KGD4: variants seen among roughly 807,000 people sequenced by gnomAD.
KGD4 encodes alpha-ketoglutarate dehydrogenase subunit 4, also known as alpha-ketoglutarate dehydrogenase component 4.
chr5:69,224,456 C>T, the KGD4 span, among the ~76,000 whole-genome samples: 11 of 151,596 alleles, frequency 7.3e-5, no homozygotes. Context: ...CTTCTTTGTG[C>T]TCTTCTGTGT....
chr5:69,224,420 C>T, the KGD4 span, among the ~76,000 whole-genome samples: 1 of 151,652 alleles, frequency 6.6e-6, no homozygotes, highest in East Asian at 1.9e-4. Context: ...ATTTGTTTTA[C>T]GTGGGTCTTG....
At chr5:69,221,053 C>T in the KGD4 span, among the ~76,000 whole-genome samples, 2 of 152,058 alleles carry the variant, frequency 1.3e-5, no homozygotes, top group African/African-American at 2.4e-5. Context: ...TGCGGAAGGC[C>T]GCAGGGACCT....
the KGD4 span, among the ~76,000 whole-genome samples, chr5:69,218,468 TAA>T: frequency 5.9e-5 from 4 of 67,936 alleles, no homozygotes; most frequent in South Asian, 5.9e-4. Context: ...GTGTGTATAT[TAA>T]TGTGTGTGTG....
chr5:69,221,390 C>T, the KGD4 span, among the ~76,000 whole-genome samples: 1 of 152,132 alleles, frequency 6.6e-6, no homozygotes, highest in South Asian at 2.1e-4. Flanking sequence ...TAAAGTAAAA[C>T]ATTTTCAGAC....
At chr5:69,220,894 C>T in the KGD4 span, among the ~76,000 whole-genome samples, 23,193 of 152,068 alleles carry the variant, frequency 0.15, 1,912 homozygotes, top group African/African-American at 0.21. Context: ...CCCCCAACCC[C>T]GTGCTCTCTG....
chr5:69,229,155 T>A, the KGD4 span: 5 of 1,519,792 alleles, frequency 3.3e-6, no homozygotes, highest in Non-Finnish European at 4.6e-6. Context: ...CATCAAAACA[T>A]TTCCTGAGTC....
chr5:69,228,175 A>T, the KGD4 span: 3 of 1,412,880 alleles, frequency 2.1e-6, no homozygotes, highest in Non-Finnish European at 2.8e-6. Context: ...TTCTCTAATA[A>T]GGTCTTTTTT....
chr5:69,225,002 AG>A, the KGD4 span, among the ~76,000 whole-genome samples: 24 of 147,432 alleles, frequency 1.6e-4, no homozygotes, highest in East Asian at 1.7e-3. Flanking sequence ...TGAACACAGG[AG>A]GTGGAGGTTC....
chr5:69,228,306 A>G, the KGD4 span: 16,163 of 1,607,476 alleles, frequency 0.01, 857 homozygotes, highest in East Asian at 0.17. Flanking sequence ...AGGGTCCACC[A>G]GACACTGCAG....
chr5:69,226,319 C>T, the KGD4 span: 1 of 1,540,862 alleles, frequency 6.5e-7, no homozygotes, highest in Non-Finnish European at 8.9e-7. Flanking sequence ...GTTTTTCATG[C>T]ATATTACTTT....
At chr5:69,221,154 C>A in the KGD4 span, among the ~76,000 whole-genome samples, 1 of 151,254 alleles carries the variant, frequency 6.6e-6, no homozygotes, top group Non-Finnish European at 1.5e-5. Context: ...ACATCCCCCT[C>A]TCCGAGAAAC....
chr5:69,221,471 TA>T, the KGD4 span, among the ~76,000 whole-genome samples: 1 of 151,994 alleles, frequency 6.6e-6, no homozygotes, highest in Middle Eastern at 3.2e-3. Flanking sequence ...TTTGGAAAGG[TA>T]AAAATAAAGA....
At chr5:69,225,975 C>G in the KGD4 span, among the ~76,000 whole-genome samples, 11 of 152,186 alleles carry the variant, frequency 7.2e-5, no homozygotes, top group Non-Finnish European at 1.5e-5. Context: ...ACGCAATCTG[C>G]CTGTCTGGGC....
the KGD4 span, among the ~76,000 whole-genome samples, chr5:69,218,986 A>T: frequency 6.6e-6 from 1 of 152,240 alleles, no homozygotes; most frequent in African/African-American, 2.4e-5. Flanking sequence ...ATAACAATTT[A>T]AAAATGGGTA....
the KGD4 span, among the ~76,000 whole-genome samples, chr5:69,224,588 A>G: frequency 0.45 from 67,906 of 151,726 alleles, 15,329 homozygotes; most frequent in South Asian, 0.56. Context: ...TAGTAGGGAA[A>G]TAACACTCAA....
chr5:69,218,960 T>C, the KGD4 span, among the ~76,000 whole-genome samples: 714 of 152,300 alleles, frequency 4.7e-3, 33 homozygotes, highest in Admixed American at 0.041. Context: ...TATATAACCA[T>C]ATGTATCAAT....
the KGD4 span, chr5:69,226,316 A>G: frequency 2.6e-5 from 39 of 1,526,406 alleles, no homozygotes; most frequent in Non-Finnish European, 3.0e-5. Flanking sequence ...ATTGTTTTTC[A>G]TGCATATTAC....
At chr5:69,226,746 G>T in the KGD4 span, among the ~76,000 whole-genome samples, 1 of 152,056 alleles carries the variant, frequency 6.6e-6, no homozygotes, top group African/African-American at 2.4e-5. Context: ...CTACTCGGGA[G>T]GCTGAGGCAT....
the KGD4 span, among the ~76,000 whole-genome samples, chr5:69,225,473 G>T: frequency 1.3e-5 from 2 of 151,504 alleles, no homozygotes; most frequent in Non-Finnish European, 2.9e-5. Flanking sequence ...CACCCTGTTG[G>T]TCAGGCTGCT....
Sources: gnomAD v4.1 joint callset for allele counts (sites outside exome capture counted in the v4.1 genomes callset) on GRCh38, gnomAD v4.1.1 for gene constraint, MANE v1.5 for transcripts, NCBI Gene and HGNC (gene_info 2026-07-23, HGNC 2026-07-21) for gene names.